The following CDH13 variants were observed in gnomAD, a reference collection of about 807,000 sequenced individuals.
The protein encoded by CDH13 is cadherin-13.
Under a neutral mutation model 63.8 loss-of-function variants are expected in CDH13, and 24 were observed. The observed-to-expected ratio is 0.38, with a 90% CI of 0.27 to 0.53. The LOEUF is 0.53. CDH13 is among the 20% of genes least tolerant of loss of function. The pLI, the probability that CDH13 is intolerant of heterozygous loss-of-function variation, is 0.85. For synonymous variants in CDH13, 503 were observed against 355.3 expected, an observed-to-expected ratio of 1.42 and a Z score of -4.67; for missense variants, 1,049 against 903.1, an observed-to-expected ratio of 1.16 and a Z score of -2.07.
chr16:83,568,867 T>G (rs189021268), intron 7 of CDH13, among the ~76,000 whole-genome samples: 4 of 152,278 alleles, frequency 2.6e-5, no homozygotes, highest in Non-Finnish European at 5.9e-5. Context: ...TTCCAGCTCC[T>G]GCCTCTCTTT....
chr16:82,661,578 C>T (rs1226578618), intron 1 of CDH13, among the ~76,000 whole-genome samples: 2 of 152,150 alleles, frequency 1.3e-5, no homozygotes, highest in South Asian at 2.1e-4. Flanking sequence ...CTAGAAGATC[C>T]GTGCCTCTTG....
At chr16:83,491,488 C>T (rs56399923) in intron 7 of CDH13, among the ~76,000 whole-genome samples, 1 of 151,654 alleles carries the variant, frequency 6.6e-6, no homozygotes, top group African/African-American at 2.4e-5. Context: ...GGCTGCTAGA[C>T]TGAAATTCAT....
intron 5 of CDH13, among the ~76,000 whole-genome samples, chr16:83,221,253 A>G (rs1372705657): frequency 6.6e-6 from 1 of 152,040 alleles, no homozygotes; most frequent in Non-Finnish European, 1.5e-5. Flanking sequence ...TGGGTGATCT[A>G]TTACTTTTTA....
intron 9 of CDH13, among the ~76,000 whole-genome samples, chr16:83,676,055 T>A (rs1292093622): frequency 2.0e-5 from 3 of 152,118 alleles, no homozygotes; most frequent in Admixed American, 2.0e-4. Flanking sequence ...TTGCTGCAAA[T>A]AATGACATCC....
intron 10 of CDH13, among the ~76,000 whole-genome samples, chr16:83,698,492 C>G (rs183545175): frequency 2.6e-5 from 4 of 152,330 alleles, no homozygotes; most frequent in Admixed American, 2.0e-4. Context: ...AGTGCTGAGG[C>G]TCTCAAGACA....
At chr16:83,407,447 A>C (rs2092064570) in intron 6 of CDH13, among the ~76,000 whole-genome samples, 1 of 152,222 alleles carries the variant, frequency 6.6e-6, no homozygotes, top group African/African-American at 2.4e-5. Context: ...CAGGCTGCTA[A>C]AGCAGATCTG....
chr16:83,466,786 T>A (rs1006617800), intron 6 of CDH13, among the ~76,000 whole-genome samples: 1 of 152,200 alleles, frequency 6.6e-6, no homozygotes, highest in African/African-American at 2.4e-5. Flanking sequence ...TGTTATCAGA[T>A]GCATTTACCC....
At position 83,784,178 on chromosome 16, in the gene CDH13, G is replaced by A. The variant is rs142501543; in HGVS notation, c.2134+706G>A. On this transcript the variant is annotated intron_variant, in intron 13 of 13. Transcript: ENST00000567109. Reference sequence around the variant, plus strand: ...GCAATTTACCTTTTGAGAACGTATCGGTGTAATTGTGAATTAGGAAGTTGG... The same window carrying A: ...GCAATTTACCTTTTGAGAACGTATCAGTGTAATTGTGAATTAGGAAGTTGG... Among the ~76,000 whole-genome samples the A allele has an allele frequency of 1.4e-3, 209 of 152,190 alleles. 1 individual carries two copies. The highest frequency in any genetic ancestry group is 3.4e-3 in the Middle Eastern group (1 of 294).
At chr16:82,708,189 C>T (rs569596445) in intron 1 of CDH13, among the ~76,000 whole-genome samples, 3 of 152,266 alleles carry the variant, frequency 2.0e-5, no homozygotes, top group South Asian at 4.1e-4. Context: ...GTTCGCATCC[C>T]ATTTGCTCAA....
intron 8 of CDH13, among the ~76,000 whole-genome samples, chr16:83,626,000 C>G (rs138466384): frequency 6.7e-6 from 1 of 150,228 alleles, no homozygotes; most frequent in Non-Finnish European, 1.5e-5. Context: ...CGTGAGGAAA[C>G]AAGCTTGCTT....
intron 5 of CDH13, among the ~76,000 whole-genome samples, chr16:83,288,257 C>T (rs1362211372): frequency 6.6e-6 from 1 of 152,206 alleles, no homozygotes; most frequent in African/African-American, 2.4e-5. Flanking sequence ...AGCGCCTGTC[C>T]TTGAGTGCTG....
At chr16:82,673,985 C>T (rs1313403971) in intron 1 of CDH13, among the ~76,000 whole-genome samples, 1 of 152,208 alleles carries the variant, frequency 6.6e-6, no homozygotes, top group African/African-American at 2.4e-5. Flanking sequence ...AGTGTTCTTT[C>T]TCCTCCAGAC....
intron 4 of CDH13, among the ~76,000 whole-genome samples, chr16:83,173,603 A>G (rs1173051083): frequency 1.3e-5 from 2 of 152,132 alleles, no homozygotes; most frequent in Non-Finnish European, 2.9e-5. Context: ...TATTAATACT[A>G]AAGAATTTGT....
chr16:83,073,375 G>GAC (rs2032595789), intron 3 of CDH13, among the ~76,000 whole-genome samples: 2 of 146,914 alleles, frequency 1.4e-5, no homozygotes, highest in African/African-American at 5.1e-5. Context: ...GAGAGAGAGA[G>GAC]AGCTTTCTTA....
intron 2 of CDH13, among the ~76,000 whole-genome samples, chr16:82,888,832 C>T (rs1196233101): frequency 6.6e-6 from 1 of 152,168 alleles, no homozygotes; most frequent in Admixed American, 6.5e-5. Flanking sequence ...CTTCTAGATG[C>T]AATTGTTTTC....
Position 83,651,588 on chromosome 16 carries a change from CTTT to C in CDH13, c.1102-19179_1102-19177del, listed in dbSNP as rs35237670. On this transcript the variant is annotated intron_variant, in intron 8 of 13. Coordinates refer to ENST00000567109, the MANE Select transcript of CDH13 (RefSeq NM_001257.5). ...TTCCTCATTGGTCTTTTATTTTCCT[CTTT>C]TTTTTTTTTTTTTTTTTTTTTTGAG... Among the ~76,000 whole-genome samples the C allele has an allele frequency of 2.0e-3, 151 of 75,292 alleles. 1 individual carries two copies. The highest frequency in any genetic ancestry group is 5.7e-3 in the East Asian group (14 of 2,450). 49.4% of individuals were successfully genotyped at this position (75,292 alleles called of 152,430 possible).
chr16:83,432,622 A>T (rs1261390272), intron 6 of CDH13, among the ~76,000 whole-genome samples: 1 of 152,182 alleles, frequency 6.6e-6, no homozygotes, highest in Non-Finnish European at 1.5e-5. Context: ...GACTGGAGCC[A>T]CCACGTGTCA....
intron 4 of CDH13, among the ~76,000 whole-genome samples, chr16:83,215,839 C>G (rs2039486525): frequency 6.6e-6 from 1 of 152,122 alleles, no homozygotes; most frequent in African/African-American, 2.4e-5. Context: ...TGTTCATGAC[C>G]TTTCAATTGT....
At chr16:83,356,151 G>C (rs554044484) in intron 6 of CDH13, among the ~76,000 whole-genome samples, 2 of 151,546 alleles carry the variant, frequency 1.3e-5, no homozygotes, top group African/African-American at 4.9e-5. Flanking sequence ...TAATTCCAAA[G>C]TTGCTACCTT....
Sources: allele counts gnomAD v4.1 joint callset (sites outside exome capture counted in the v4.1 genomes callset), GRCh38; gene constraint gnomAD v4.1.1; transcripts MANE v1.5; gene names NCBI Gene and HGNC (gene_info 2026-07-23, HGNC 2026-07-21).